Variants in GPC5 observed in about 807,000 individuals in gnomAD.
The protein encoded by GPC5 is glypican 5.
GPC5 carries 47 observed loss-of-function variants against 53.9 expected under a neutral mutation model. The observed-to-expected ratio is 0.87, with a 90% CI of 0.69 to 1.11. The LOEUF is 1.11. Ranked by LOEUF, GPC5 falls within the 50% of genes most tolerant of loss-of-function variation. The probability of loss-of-function intolerance (pLI) is 0.00; values close to 1 mark genes in which losing one functional copy is unlikely to be tolerated. For missense variants in GPC5, 748 were observed against 713.1 expected (o/e 1.05, Z -0.56); for synonymous variants, 286 against 263.3 (o/e 1.09, Z -0.84).
chr13:92,527,263 G>A (rs1407604003), intron 7 of GPC5, among the ~76,000 whole-genome samples: 5 of 114,134 alleles, frequency 4.4e-5, no homozygotes, highest in Non-Finnish European at 7.0e-5. Context: ...AAGAAAGAAA[G>A]AAAGAAAGAA....
rs398023955 is a variant in GPC5 at position 92,257,546 on chromosome 13, A to ATTTTTTTTTTTTTTTTTTTTTTTTTTTTT, written c.1561+112578_1561+112579insTTTTTTTTTTTTTTTTTTTTTTTTTTTTT. Among the ~76,000 whole-genome samples the ATTTTTTTTTTTTTTTTTTTTTTTTTTTTT allele has an allele frequency of 2.1e-4, 15 of 72,948 alleles. 4 individuals carry two copies. The highest frequency in any genetic ancestry group is 6.2e-4 in the African/African-American group (8 of 12,946). The allele number at this position is 72,948 out of a possible 152,430, so 47.9% of individuals were successfully genotyped here. ...AGTGAGAGAGGTTTCTAATACAGGGATTTTTTTTTTTTTTTTTTTTTGGGG... is the reference window on the plus strand; with the variant it reads ...AGTGAGAGAGGTTTCTAATACAGGGATTTTTTTTTTTTTTTTTTTTTTTTTTTTTTTTTTTTTTTTTTTTTTTTTTGGGG... On this transcript the variant is annotated intron_variant, in intron 7 of 7. Coordinates refer to ENST00000377067, the MANE Select transcript of GPC5 (RefSeq NM_004466.6).
intron 1 of GPC5, 103 bp from the exon 2 acceptor site, chr13:91,448,658 A>C: frequency 8.7e-7 from 1 of 1,151,290 alleles, no homozygotes; most frequent in South Asian, 1.7e-5. Context: ...TCCATTCCTC[A>C]CATAGTCCTT....
Position 91,518,252 on chromosome 13 carries a change from T to A in GPC5, c.325+69330T>A, listed in dbSNP as rs75558074. Among the ~76,000 whole-genome samples, 738 of 152,280 alleles carry A rather than the reference T, an allele frequency of 4.8e-3. 8 individuals are homozygous for A. The highest frequency in any genetic ancestry group is 0.016 in the African/African-American group (669 of 41,552). ...GGCACATGCCTATAGTCCCAGGTAC[T>A]TATGAGGCTGAGGCAGGGGGAACGT... On this transcript the variant is annotated intron_variant, in intron 2 of 7. Coordinates refer to ENST00000377067, the MANE Select transcript of GPC5 (RefSeq NM_004466.6).
intron 2 of GPC5, among the ~76,000 whole-genome samples, chr13:91,668,670 G>T (rs921522421): frequency 4.6e-5 from 7 of 151,998 alleles, no homozygotes; most frequent in Non-Finnish European, 1.0e-4. Context: ...TCAGGAGAAC[G>T]AATTTCTCTT....
At chr13:91,818,802 T>TA (rs758717787) in intron 5 of GPC5, among the ~76,000 whole-genome samples, 5 of 152,154 alleles carry the variant, frequency 3.3e-5, no homozygotes, top group Non-Finnish European at 7.4e-5. Context: ...GATATATAAA[T>TA]ACAAGATGTT....
chr13:92,542,099 A>G (rs533516889), intron 7 of GPC5, among the ~76,000 whole-genome samples: 101 of 152,154 alleles, frequency 6.6e-4, no homozygotes, highest in Non-Finnish European at 1.2e-3. Context: ...AGCATAATGT[A>G]TCAATAGCTT....
At chr13:92,656,645 CT>C (rs1308658519) in intron 7 of GPC5, among the ~76,000 whole-genome samples, 6 of 152,208 alleles carry the variant, frequency 3.9e-5, no homozygotes, top group African/African-American at 1.2e-4. Flanking sequence ...TATTTATGAA[CT>C]GCATTTGGTT....
chr13:91,399,199 G>GC lies in GPC5; in HGVS notation c.155dup (p.Arg53AlafsTer5), dbSNP rs1254374090. The GC allele has an allele frequency of 6.2e-7, 1 of 1,611,762 alleles. No homozygotes were observed. Among genetic ancestry groups the GC allele is most frequent in the Non-Finnish European group, 8.5e-7 (1 of 1,179,506 alleles). ...GAGCTGTCAGGGGGCTGCCGGATTC[G>GC]CCGCGGGCAGGTAAGGGGCAATGAG... On this transcript the variant is annotated frameshift_variant, in exon 1 of 8. Coordinates refer to ENST00000377067, the MANE Select transcript of GPC5 (RefSeq NM_004466.6). LOFTEE classifies it high-confidence loss of function.
chr13:92,811,902 C>A (rs1157288800), intron 7 of GPC5, among the ~76,000 whole-genome samples: 1 of 151,904 alleles, frequency 6.6e-6, no homozygotes, highest in African/African-American at 2.4e-5. Context: ...TGTCAAAAAT[C>A]AATTGACCAT....
Position 92,061,637 on chromosome 13 carries a change from A to G in GPC5, c.1402-83193A>G, listed in dbSNP as rs185033265. On this transcript the variant is annotated intron_variant, in intron 6 of 7. Transcript: ENST00000377067. ...GAAATATTAAATAGAAACATAATTT[A>G]CTCATGGGCATGCAGTATATTCTGC... Among the ~76,000 whole-genome samples, 3 of 152,172 alleles carry G rather than the reference A, an allele frequency of 2.0e-5. No individual in the cohort carries two copies. In the East Asian group the frequency reaches 5.8e-4, roughly 29 times the overall value.
At chr13:91,727,884 A>G (rs992977148) in intron 3 of GPC5, among the ~76,000 whole-genome samples, 1 of 152,172 alleles carries the variant, frequency 6.6e-6, no homozygotes, top group African/African-American at 2.4e-5. Context: ...TTCAATGATA[A>G]TTATGTAAAT....
chr13:92,278,368 A>G (rs1323792536), intron 7 of GPC5, among the ~76,000 whole-genome samples: 2 of 151,934 alleles, frequency 1.3e-5, no homozygotes, highest in African/African-American at 4.8e-5. Context: ...TATACCTTAC[A>G]CTCATATATG....
At chr13:92,560,706 C>T (rs1306464065) in intron 7 of GPC5, among the ~76,000 whole-genome samples, 1 of 151,944 alleles carries the variant, frequency 6.6e-6, no homozygotes, top group Non-Finnish European at 1.5e-5. Context: ...ATTTCTGCCT[C>T]AGATACAGAG....
chr13:92,516,806 C>G (rs1880801835), intron 7 of GPC5, among the ~76,000 whole-genome samples: 2 of 152,144 alleles, frequency 1.3e-5, no homozygotes, highest in South Asian at 4.1e-4. Context: ...AGGTTCATCT[C>G]ACTGGGGTTC....
intron 7 of GPC5, among the ~76,000 whole-genome samples, chr13:92,691,436 C>T (rs983434735): frequency 1.4e-5 from 2 of 147,086 alleles, no homozygotes; most frequent in Admixed American, 1.4e-4. Context: ...GCGCACGGTG[C>T]GCACACACAC....
intron 1 of GPC5, among the ~76,000 whole-genome samples, chr13:91,435,665 C>T (rs932418007): frequency 6.6e-5 from 10 of 152,182 alleles, no homozygotes; most frequent in African/African-American, 1.9e-4. Flanking sequence ...TGTTGTGTCT[C>T]TGCCAAGCTT....
chr13:92,662,085 T>C (rs1886364676), intron 7 of GPC5, among the ~76,000 whole-genome samples: 1 of 152,194 alleles, frequency 6.6e-6, no homozygotes, highest in South Asian at 2.1e-4. Flanking sequence ...TATTTGCTTG[T>C]CCCTACTGAC....
At chr13:91,433,951 G>C (rs1879700866) in intron 1 of GPC5, among the ~76,000 whole-genome samples, 1 of 152,208 alleles carries the variant, frequency 6.6e-6, no homozygotes, top group Non-Finnish European at 1.5e-5. Context: ...CTGATGGCCA[G>C]TGATGGTGAG....
chr13:91,854,684 C>G (rs901065256), intron 5 of GPC5, among the ~76,000 whole-genome samples: 1 of 151,774 alleles, frequency 6.6e-6, no homozygotes, highest in African/African-American at 2.4e-5. Flanking sequence ...CTCATCCAAT[C>G]ACACTAGAAA....
Sources: allele counts gnomAD v4.1 joint callset (sites outside exome capture counted in the v4.1 genomes callset), GRCh38; gene constraint gnomAD v4.1.1; transcripts MANE v1.5; gene names NCBI Gene and HGNC (gene_info 2026-07-23, HGNC 2026-07-21).